The following SETD5 variants were observed in gnomAD, a reference collection of about 807,000 sequenced individuals.
SETD5 encodes SET domain containing 5, also known as histone-lysine N-methyltransferase SETD5.
SETD5 carries 44 observed loss-of-function variants against 153.3 expected under a neutral mutation model. The ratio of observed to expected loss-of-function variants is 0.29; its 90% confidence interval spans 0.23 to 0.37. SETD5 has a LOEUF of 0.37. SETD5 is among the 10% of genes least tolerant of loss of function. The pLI, the probability that SETD5 is intolerant of heterozygous loss-of-function variation, is 1.00. For synonymous variants in SETD5, 716 were observed against 645.2 expected (o/e 1.11, Z -1.66); for missense variants, 1,544 against 1,768.0 (o/e 0.87, Z 2.27).
At chr3:9,443,162 A>C (rs774022537) in intron 10 of SETD5, 146 bp from the exon 11 acceptor site, 25 of 623,704 alleles carry the variant, frequency 4.0e-5, no homozygotes, top group Admixed American at 1.4e-4. Flanking sequence ...AGATGAAATG[A>C]AGGGGTTAAA....
intron 17 of SETD5, 105 bp from the exon 18 acceptor site, chr3:9,464,320 A>G (rs1182487092): frequency 6.8e-7 from 1 of 1,470,692 alleles, no homozygotes; most frequent in Admixed American, 2.2e-5. Context: ...GGGATGAGGC[A>G]GAAAACAGTT....
Position 9,448,020 on chromosome 3 carries a change from G to A in SETD5, c.2103+14G>A. The A allele has an allele frequency of 1.2e-6, 2 of 1,606,100 alleles. No homozygotes were observed. The highest frequency in any genetic ancestry group is 1.7e-6 in the Non-Finnish European group (2 of 1,174,930). On this transcript the variant is annotated intron_variant, in intron 15 of 22. Coordinates refer to ENST00000402198, the MANE Select transcript of SETD5 (RefSeq NM_001080517.3). ...AAAACCAAAAAGGTAAGTCACAAAT[G>A]CATCCTTTATAAGTCCAGTCTGGCA...
chr3:9,433,814 C>T (rs2125090458), intron 3 of SETD5, 31 bp from the exon 4 acceptor site: 1 of 1,596,544 alleles, frequency 6.3e-7, no homozygotes, highest in Non-Finnish European at 8.6e-7. Flanking sequence ...AGGTGTTATG[C>T]TATCATGCAT....
intron 17 of SETD5, among the ~76,000 whole-genome samples, chr3:9,463,006 C>G (rs1390859837): frequency 1.3e-5 from 2 of 151,044 alleles, no homozygotes; most frequent in Non-Finnish European, 2.9e-5. Context: ...AATGTGTTCA[C>G]TTTTTTTGTT....
chr3:9,440,803 T>C, intron 8 of SETD5, 105 bp downstream of exon 8: 1 of 1,383,480 alleles, frequency 7.2e-7, no homozygotes, highest in Non-Finnish European at 9.6e-7. Context: ...TACAAGGCCA[T>C]GGAATAACAG....
Position 9,434,562 on chromosome 3 carries a change from G to A in SETD5, c.329+77G>A. 1.3e-6 allele frequency: 2 copies of A among 1,590,540 alleles called. No homozygotes were observed. The highest frequency in any genetic ancestry group is 8.6e-7 in the Non-Finnish European group (1 of 1,168,008). On this transcript the variant is annotated intron_variant, in intron 5 of 22. Transcript: ENST00000402198. The surrounding 1 kb of genome is among the most constrained non-coding windows in gnomAD (Gnocchi z 5.6). Reference sequence around the variant, plus strand: ...TCTTACAAGTAGGGAAAAGCTCAAAGTATTCTTTCTTGTGTTTGTTAATGT... The same window carrying A: ...TCTTACAAGTAGGGAAAAGCTCAAAATATTCTTTCTTGTGTTTGTTAATGT...
At chr3:9,424,776 TC>T (rs373224350) in intron 2 of SETD5, among the ~76,000 whole-genome samples, 4 of 152,324 alleles carry the variant, frequency 2.6e-5, no homozygotes, top group African/African-American at 9.6e-5. Flanking sequence ...ATTTAGATGA[TC>T]TGTTAAATGT....
At chr3:9,401,150 A>T (rs2125407542) in intron 1 of SETD5, among the ~76,000 whole-genome samples, 1 of 152,378 alleles carries the variant, frequency 6.6e-6, no homozygotes, top group Non-Finnish European at 1.5e-5. Context: ...TTTCCCAGTA[A>T]TAAAAGCAGA....
chr3:9,459,119 T>G (rs151153834), intron 17 of SETD5, among the ~76,000 whole-genome samples: 1 of 152,292 alleles, frequency 6.6e-6, no homozygotes, highest in East Asian at 1.9e-4. Context: ...ATGCTTGAAG[T>G]GGTACCTGGT....
chr3:9,449,995 C>T (rs1454883411), intron 16 of SETD5, among the ~76,000 whole-genome samples: 2 of 152,152 alleles, frequency 1.3e-5, no homozygotes, highest in South Asian at 2.1e-4. Context: ...GTCTGAGCTG[C>T]AAATAATATG....
At chr3:9,452,972 C>T (rs2042802393) in intron 16 of SETD5, among the ~76,000 whole-genome samples, 1 of 152,098 alleles carries the variant, frequency 6.6e-6, no homozygotes, top group Non-Finnish European at 1.5e-5. Flanking sequence ...TTCTGTCTTC[C>T]ACAGGATACA....
At chr3:9,452,289 A>G (rs2042707001) in intron 16 of SETD5, among the ~76,000 whole-genome samples, 1 of 152,190 alleles carries the variant, frequency 6.6e-6, no homozygotes, top group African/African-American at 2.4e-5. Flanking sequence ...TTGAAAAGAA[A>G]AACTTAAAGG....
At chr3:9,460,009 A>G (rs1424857804) in intron 17 of SETD5, among the ~76,000 whole-genome samples, 1 of 152,030 alleles carries the variant, frequency 6.6e-6, no homozygotes. Flanking sequence ...TATTTAATAT[A>G]GTCTAAGTAA....
chr3:9,441,837 A>AG, intron 9 of SETD5, 96 bp downstream of exon 9: 2 of 1,490,752 alleles, frequency 1.3e-6, no homozygotes, highest in Non-Finnish European at 1.9e-6. Flanking sequence ...CGCTCTTGGG[A>AG]GAAAAAAATC....
intron 1 of SETD5, among the ~76,000 whole-genome samples, chr3:9,415,285 A>G (rs2037243403): frequency 6.6e-6 from 1 of 152,248 alleles, no homozygotes; most frequent in Non-Finnish European, 1.5e-5. Context: ...ACTGGATCAA[A>G]GATGAGCATA....
At chr3:9,450,035 T>G (rs2042440086) in intron 16 of SETD5, among the ~76,000 whole-genome samples, 1 of 152,200 alleles carries the variant, frequency 6.6e-6, no homozygotes, top group Admixed American at 6.5e-5. Flanking sequence ...AATTCCTTCT[T>G]GATAATTCTA....
At chr3:9,413,236 T>C (rs2036863885) in intron 1 of SETD5, among the ~76,000 whole-genome samples, 1 of 152,122 alleles carries the variant, frequency 6.6e-6, no homozygotes, top group Non-Finnish European at 1.5e-5. Context: ...ATAATGAGTT[T>C]ATACTAAGAG....
At chr3:9,466,674 CT>C (rs1361355690) in intron 18 of SETD5, among the ~76,000 whole-genome samples, 2 of 152,004 alleles carry the variant, frequency 1.3e-5, no homozygotes, top group Admixed American at 1.3e-4. Context: ...GGTGGGGAGC[CT>C]TTTTTGTAGC....
intron 16 of SETD5, among the ~76,000 whole-genome samples, chr3:9,452,987 CTTA>C (rs1207653286): frequency 6.6e-6 from 1 of 152,088 alleles, no homozygotes; most frequent in Non-Finnish European, 1.5e-5. Context: ...GATACATAAT[CTTA>C]TTATCCTAAT....
Sources: gnomAD v4.1 joint callset for allele counts (sites outside exome capture counted in the v4.1 genomes callset) on GRCh38, gnomAD v4.1.1 for gene constraint, Gnocchi (gnomAD v3.1) non-coding constraint, MANE v1.5 for transcripts, NCBI Gene and HGNC (gene_info 2026-07-23, HGNC 2026-07-21) for gene names.